Variants in ZMYM2 observed in about 807,000 individuals in gnomAD.
The protein encoded by ZMYM2 is zinc finger MYM-type containing 2.
In ZMYM2, 56 loss-of-function variants were observed where a neutral mutation model predicts 162.8. The observed-to-expected ratio is 0.34, with a 90% CI of 0.28 to 0.43. The LOEUF is 0.43. Among genes scored for constraint, ZMYM2 ranks in the 20% least tolerant of loss-of-function variants. The probability of loss-of-function intolerance (pLI) is 1.00; values close to 1 mark genes in which losing one functional copy is unlikely to be tolerated. For missense variants in ZMYM2, 1,275 were observed against 1,621.8 expected, an observed-to-expected ratio of 0.79 and a Z score of 3.67; for synonymous variants, 510 against 541.6, an observed-to-expected ratio of 0.94 and a Z score of 0.81.
At chr13:20,010,050 A>G (rs556948599) in intron 6 of ZMYM2, among the ~76,000 whole-genome samples, 5 of 152,066 alleles carry the variant, frequency 3.3e-5, no homozygotes, top group South Asian at 2.1e-4. Context: ...TGTTTTCTCT[A>G]TATCTTTGCC....
At chr13:19,865,329 C>T in the ZMYM2 span, among the ~76,000 whole-genome samples, 1 of 152,246 alleles carries the variant, frequency 6.6e-6, no homozygotes, top group African/African-American at 2.4e-5. Context: ...GGGCCGCATG[C>T]AACCCCCAAG....
At chr13:19,938,281 C>T in the ZMYM2 span, among the ~76,000 whole-genome samples, 2 of 151,998 alleles carry the variant, frequency 1.3e-5, no homozygotes, top group Admixed American at 6.6e-5. Flanking sequence ...CTGAGGTGGG[C>T]GGATCACCTG....
chr13:19,963,827 T>A (rs994537263), intron 2 of ZMYM2, among the ~76,000 whole-genome samples: 9 of 152,206 alleles, frequency 5.9e-5, no homozygotes, highest in Admixed American at 2.0e-4. Flanking sequence ...AAACATTTTT[T>A]AAACTCTTTT....
At chr13:19,962,819 C>T (rs1955391033) in intron 2 of ZMYM2, among the ~76,000 whole-genome samples, 1 of 131,030 alleles carries the variant, frequency 7.6e-6, no homozygotes, top group African/African-American at 2.7e-5. Context: ...CCACCTTGCC[C>T]AGCCATTTTT....
intron 10 of ZMYM2, among the ~76,000 whole-genome samples, chr13:20,031,875 T>TC (rs1040996752): frequency 6.7e-5 from 10 of 149,144 alleles, no homozygotes; most frequent in African/African-American, 2.5e-4. Context: ...GTTTTTTTTT[T>TC]TTTTTTTCTT....
At chr13:19,968,528 C>G (rs1028870155) in intron 2 of ZMYM2, among the ~76,000 whole-genome samples, 2 of 152,206 alleles carry the variant, frequency 1.3e-5, no homozygotes, top group Non-Finnish European at 2.9e-5. Flanking sequence ...TCCCAAAGTG[C>G]TGGGATTACA....
chr13:19,985,180 G>A (rs2139578498), intron 2 of ZMYM2, among the ~76,000 whole-genome samples: 1 of 152,282 alleles, frequency 6.6e-6, no homozygotes, highest in East Asian at 1.9e-4. Flanking sequence ...CTGGAGTGTA[G>A]TGGCATGATC....
At chr13:20,012,561 A>C (rs575659765) in intron 6 of ZMYM2, among the ~76,000 whole-genome samples, 1 of 152,290 alleles carries the variant, frequency 6.6e-6, no homozygotes, top group African/African-American at 2.4e-5. Context: ...GCCAAATGCC[A>C]GGTCATGGTT....
At chr13:19,927,533 T>C in the ZMYM2 span, among the ~76,000 whole-genome samples, 1 of 152,246 alleles carries the variant, frequency 6.6e-6, no homozygotes, top group Non-Finnish European at 1.5e-5. Context: ...ACCACAATTA[T>C]TTATCAGCTC....
the ZMYM2 span, among the ~76,000 whole-genome samples, chr13:19,885,955 A>ACATATGTG: frequency 8.6e-5 from 7 of 81,766 alleles, 2 homozygotes; most frequent in South Asian, 1.5e-3. Flanking sequence ...GTATATACAC[A>ACATATGTG]TATATATGTG....
At chr13:20,000,056 C>T (rs933052630) in intron 3 of ZMYM2, among the ~76,000 whole-genome samples, 3 of 152,150 alleles carry the variant, frequency 2.0e-5, no homozygotes, top group Admixed American at 2.0e-4. Context: ...CTTCAGACCC[C>T]CAAAGTGCTG....
chr13:20,067,197 C>G (rs777628270), intron 20 of ZMYM2, 42 bp from the exon 21 acceptor site: 13 of 1,484,886 alleles, frequency 8.8e-6, no homozygotes, highest in Admixed American at 2.1e-5. Context: ...CTTAATAAGA[C>G]GCTAAATAAT....
intron 2 of ZMYM2, among the ~76,000 whole-genome samples, chr13:19,987,866 C>G (rs923517665): frequency 2.6e-5 from 4 of 152,138 alleles, no homozygotes; most frequent in Non-Finnish European, 4.4e-5. Context: ...CTTGCCTCAG[C>G]CTCCCAAAGT....
At chr13:19,929,691 T>C in the ZMYM2 span, among the ~76,000 whole-genome samples, 1 of 152,192 alleles carries the variant, frequency 6.6e-6, no homozygotes, top group Non-Finnish European at 1.5e-5. Flanking sequence ...TTTGGTCTTT[T>C]AATTTTCCAT....
chr13:19,919,320 GT>G, the ZMYM2 span, among the ~76,000 whole-genome samples: 1 of 152,106 alleles, frequency 6.6e-6, no homozygotes, highest in African/African-American at 2.4e-5. Flanking sequence ...ACTTGTACAG[GT>G]TTTTTGTAGA....
chr13:19,930,838 C>T, the ZMYM2 span, among the ~76,000 whole-genome samples: 1 of 151,346 alleles, frequency 6.6e-6, no homozygotes, highest in Non-Finnish European at 1.5e-5. Flanking sequence ...CTCACCTGGA[C>T]CCTTTTATTA....
At chr13:20,074,205 TG>T (rs1957308507) in intron 21 of ZMYM2, among the ~76,000 whole-genome samples, 1 of 142,564 alleles carries the variant, frequency 7.0e-6, no homozygotes. Context: ...TTTGTGTGTG[TG>T]TGTGTGTGTG....
the ZMYM2 span, among the ~76,000 whole-genome samples, chr13:19,877,266 G>A: frequency 3.3e-5 from 5 of 151,808 alleles, no homozygotes; most frequent in Non-Finnish European, 5.9e-5. Flanking sequence ...TGCAAGCTGA[G>A]AAGTTGAAGG....
At chr13:19,960,267 G>C (rs774135181) in intron 2 of ZMYM2, among the ~76,000 whole-genome samples, 3 of 152,172 alleles carry the variant, frequency 2.0e-5, no homozygotes, top group Non-Finnish European at 4.4e-5. Flanking sequence ...ACCAGACGAC[G>C]GGCTTCTGCA....
Sources: allele counts gnomAD v4.1 joint callset (sites outside exome capture counted in the v4.1 genomes callset), GRCh38; gene constraint gnomAD v4.1.1; transcripts MANE v1.5; gene names NCBI Gene and HGNC (gene_info 2026-07-23, HGNC 2026-07-21).